The following GCSAML variants were observed in gnomAD, a reference collection of about 807,000 sequenced individuals.
GCSAML encodes the protein germinal center-associated signaling and motility-like protein.
Under a neutral mutation model 13.0 loss-of-function variants are expected in GCSAML, and 9 were observed. That is an observed-to-expected ratio of 0.69 (90% confidence interval 0.42 to 1.21). GCSAML has a LOEUF of 1.21. GCSAML is among the 50% of genes most tolerant of loss of function. The pLI is 0.00. For synonymous variants in GCSAML, 37 were observed against 52.9 expected, an observed-to-expected ratio of 0.70 and a Z score of 1.31; for missense variants, 143 against 153.4, an observed-to-expected ratio of 0.93 and a Z score of 0.36.
intron 2 of GCSAML, among the ~76,000 whole-genome samples, chr1:247,534,063 G>A (rs76583814): frequency 0.014 from 2,204 of 152,140 alleles, 70 homozygotes; most frequent in African/African-American, 0.051. Context: ...GTCACCTTCT[G>A]ACTGAGGCCC....
Position 247,577,667 on chromosome 1 carries a change from G to A in GCSAML, c.*3285G>A, listed in dbSNP as rs1416348667. ...CATTATGAATAAAGTGGCTATAAAT[G>A]AATAAAGCGACTACAAATTTGAATA... On this transcript the variant is annotated 3_prime_UTR_variant, in exon 5 of 5. Transcript: ENST00000366488. 6.6e-6 allele frequency: 1 copy of A among 152,160 alleles called. No homozygotes were observed. The highest frequency in any genetic ancestry group is 1.9e-4 in the East Asian group (1 of 5,192). 9.4% of individuals were successfully genotyped at this position (152,160 alleles called of 1,614,324 possible).
intron 2 of GCSAML, chr1:247,531,309 C>T: frequency 1.9e-6 from 1 of 524,064 alleles, no homozygotes; most frequent in Non-Finnish European, 3.4e-6. Context: ...AACAAGATGA[C>T]AGTCAACATG....
chr1:247,528,102 T>C (rs1190231860), intron 2 of GCSAML: 2 of 152,144 alleles, frequency 1.3e-5, no homozygotes, highest in Non-Finnish European at 2.9e-5. Context: ...TGTCAGTAAC[T>C]TGATTTCCTA....
At chr1:247,556,519 A>T in intron 2 of GCSAML, 53 bp downstream of exon 2, 1 of 1,305,098 alleles carries the variant, frequency 7.7e-7, no homozygotes, top group Non-Finnish European at 1.1e-6. Flanking sequence ...TTGTTTTTTC[A>T]TTGAGATTAC....
At chr1:247,513,378 A>G (rs1448141590) in intron 1 of GCSAML, among the ~76,000 whole-genome samples, 2 of 152,190 alleles carry the variant, frequency 1.3e-5, no homozygotes, top group African/African-American at 4.8e-5. Flanking sequence ...TGAGTGACCC[A>G]GGTCACCTTC....
chr1:247,507,820 C>T (rs373593245), intron 1 of GCSAML, among the ~76,000 whole-genome samples: 21 of 152,264 alleles, frequency 1.4e-4, no homozygotes, highest in African/African-American at 5.1e-4. Flanking sequence ...CCAGCTTCAT[C>T]CATGTCCCTG....
intron 3 of GCSAML, among the ~76,000 whole-genome samples, chr1:247,564,410 C>T (rs1005092039): frequency 4.0e-5 from 6 of 150,664 alleles, no homozygotes; most frequent in Non-Finnish European, 8.9e-5. Context: ...AGAATTTGCT[C>T]TGTTTGCCAT....
intron 1 of GCSAML, among the ~76,000 whole-genome samples, chr1:247,522,138 G>A (rs185987778): frequency 0.16 from 24,838 of 151,260 alleles, 2,143 homozygotes; most frequent in Admixed American, 0.19. Context: ...GAGCCCCTCC[G>A]CCTGGCAGCC....
intron 2 of GCSAML, among the ~76,000 whole-genome samples, chr1:247,540,748 C>T (rs952431697): frequency 2.6e-5 from 4 of 152,168 alleles, no homozygotes; most frequent in Admixed American, 6.5e-5. Flanking sequence ...TTCTGCAACG[C>T]GTCAGAAGGA....
chr1:247,531,715 C>A, intron 2 of GCSAML: 1 of 1,614,150 alleles, frequency 6.2e-7, no homozygotes, highest in Middle Eastern at 1.6e-4. Flanking sequence ...ATGGGAGGTG[C>A]TCTTGGCTGG....
chr1:247,555,753 G>C lies in GCSAML; in HGVS notation c.30-654G>C, dbSNP rs116535584. ...GGACAACTGGTGGAGTAGAAAGTTT[G>C]ATTAACCAAGTCACAAACATAAGCT... On this transcript the variant is annotated intron_variant, in intron 1 of 4. Transcript: ENST00000366488. 1.0e-2 allele frequency among the ~76,000 whole-genome samples: 1,517 copies of C among 152,276 alleles called. 28 individuals are homozygous for C. Among genetic ancestry groups the C allele is most frequent in the African/African-American group, 0.035 (1,457 of 41,550 alleles).
chr1:247,538,854 C>T lies in GCSAML; in HGVS notation c.-147-10191C>T, dbSNP rs1030223678. ...TTTGTGGTGTTTTGTTATGATATCT[C>T]GACCTGCCTAATACAGATGGCTAAT... is the stretch of plus-strand genomic sequence containing the variant. On this transcript the variant is annotated intron_variant, in intron 2 of 5. Coordinates refer to the GCSAML transcript ENST00000366489. 17 of 435,436 alleles carry T rather than the reference C, an allele frequency of 3.9e-5. 1 individual carries two copies. Among genetic ancestry groups the T allele is most frequent in the South Asian group, 1.0e-4 (6 of 59,934 alleles). The allele number at this position is 435,436 out of a possible 1,614,324, so 27.0% of individuals were successfully genotyped here.
intron 1 of GCSAML, among the ~76,000 whole-genome samples, chr1:247,511,661 T>A (rs1666042479): frequency 6.6e-6 from 1 of 152,184 alleles, no homozygotes; most frequent in African/African-American, 2.4e-5. Context: ...GGTACTGGTT[T>A]TTCCTTTCCA....
At chr1:247,518,600 G>C (rs1283544368) in intron 1 of GCSAML, 1 of 152,402 alleles carries the variant, frequency 6.6e-6, no homozygotes, top group African/African-American at 2.4e-5. Flanking sequence ...GACGCGGGAG[G>C]ACATGGAGGT....
intron 1 of GCSAML, chr1:247,519,301 C>T (rs548653291): frequency 6.6e-6 from 1 of 152,342 alleles, no homozygotes; most frequent in East Asian, 1.9e-4. Flanking sequence ...CAGATAATGA[C>T]TGCTTTGCAG....
intron 2 of GCSAML, among the ~76,000 whole-genome samples, chr1:247,539,891 G>T (rs1442502120): frequency 6.6e-6 from 1 of 152,110 alleles, no homozygotes; most frequent in Non-Finnish European, 1.5e-5. Flanking sequence ...CATAATCCAT[G>T]AGTATCTACT....
At position 247,549,367 on chromosome 1, in the gene GCSAML, C is replaced by T. The variant is rs113924693; in HGVS notation, c.29+147C>T. ...AGCATCCTCTAGGAGCACACAGTGACGCCCAGTTGGCTCCTTCTCTTGCCT... is the reference window on the plus strand; with the variant it reads ...AGCATCCTCTAGGAGCACACAGTGATGCCCAGTTGGCTCCTTCTCTTGCCT... On this transcript the variant is annotated intron_variant, in intron 1 of 4. Transcript: ENST00000366488. 217 of 604,812 alleles carry T rather than the reference C, an allele frequency of 3.6e-4. 2 individuals are homozygous for T. The highest frequency in any genetic ancestry group is 6.4e-4 in the African/African-American group (35 of 54,658). 37.5% of individuals were successfully genotyped at this position (604,812 alleles called of 1,614,324 possible).
intron 1 of GCSAML, among the ~76,000 whole-genome samples, chr1:247,522,722 AT>A (rs1666496383): frequency 6.6e-6 from 1 of 152,122 alleles, no homozygotes. Flanking sequence ...CAGCATGCTC[AT>A]TAAGAGTCAT....
At chr1:247,536,644 A>G (rs1667229874) in intron 2 of GCSAML, among the ~76,000 whole-genome samples, 1 of 152,010 alleles carries the variant, frequency 6.6e-6, no homozygotes, top group Non-Finnish European at 1.5e-5. Flanking sequence ...AGTGGAGGGA[A>G]AAAAGCTTTT....
Sources: allele counts gnomAD v4.1 joint callset (sites outside exome capture counted in the v4.1 genomes callset), GRCh38; gene constraint gnomAD v4.1.1; transcripts MANE v1.5; gene names NCBI Gene and HGNC (gene_info 2026-07-23, HGNC 2026-07-21).